XKR4: variants seen among roughly 807,000 people sequenced by gnomAD.
The protein encoded by XKR4 is XK related 4.
XKR4 carries 12 observed loss-of-function variants against 53.9 expected under a neutral mutation model. That is an observed-to-expected ratio of 0.22 (90% CI 0.14 to 0.36). The LOEUF (loss-of-function observed/expected upper bound fraction) is 0.36, where lower values mean the gene tolerates loss of function less well. XKR4 is among the 10% of genes least tolerant of loss of function. The pLI, the probability that XKR4 is intolerant of heterozygous loss-of-function variation, is 1.00. For synonymous variants in XKR4, 354 were observed against 362.4 expected (o/e 0.98, Z 0.26); for missense variants, 799 against 859.5 (o/e 0.93, Z 0.88).
At chr8:55,443,125 A>G (rs1805294098) in intron 2 of XKR4, among the ~76,000 whole-genome samples, 7 of 152,196 alleles carry the variant, frequency 4.6e-5, no homozygotes, top group Admixed American at 3.9e-4. Context: ...CAACTAATTT[A>G]TCATGCTAGT....
At chr8:55,325,224 C>A (rs1473638783) in intron 1 of XKR4, among the ~76,000 whole-genome samples, 1 of 152,136 alleles carries the variant, frequency 6.6e-6, no homozygotes, top group African/African-American at 2.4e-5. Context: ...GTTAGTGTTG[C>A]TGTGCTATAA....
At chr8:55,451,637 G>T in intron 2 of XKR4, 1 of 1,549,546 alleles carries the variant, frequency 6.5e-7, no homozygotes, top group Non-Finnish European at 8.8e-7. Flanking sequence ...TAGGACACGC[G>T]CTGCAGGGCG....
intron 1 of XKR4, among the ~76,000 whole-genome samples, chr8:55,254,178 A>T (rs894691886): frequency 6.6e-6 from 1 of 152,096 alleles, no homozygotes; most frequent in Admixed American, 6.5e-5. Flanking sequence ...TGTCAAAAAG[A>T]AAGAGAGAGA....
intron 1 of XKR4, among the ~76,000 whole-genome samples, chr8:55,263,122 C>A (rs1200610372): frequency 2.0e-5 from 3 of 152,126 alleles, no homozygotes; most frequent in Non-Finnish European, 4.4e-5. Flanking sequence ...TCAGTCTTGC[C>A]CCTTTAGTCC....
chr8:55,451,933 G>A (rs947032947), intron 2 of XKR4: 56 of 783,212 alleles, frequency 7.2e-5, no homozygotes, highest in Admixed American at 4.1e-4. Flanking sequence ...CTCAGAGGGC[G>A]GCTGGCTCCA....
chr8:55,246,597 C>G (rs141645315), intron 1 of XKR4, among the ~76,000 whole-genome samples: 6 of 152,180 alleles, frequency 3.9e-5, no homozygotes, highest in African/African-American at 1.4e-4. Flanking sequence ...ATAGCATGCA[C>G]GTTTTCCTTT....
At position 55,245,973 on chromosome 8, in the gene XKR4, A is replaced by T. The variant is rs142318180; in HGVS notation, c.807-111705A>T. Among the ~76,000 whole-genome samples, 960 of 152,288 alleles carry T rather than the reference A, an allele frequency of 6.3e-3. 13 individuals carry two copies. Among genetic ancestry groups the T allele is most frequent in the African/African-American group, 0.022 (924 of 41,564 alleles). ...TAAAATTAGCTGGGCGTGGTGGCGC[A>T]TGCCTGTAATCCCAGCTATTCAGGA... On this transcript the variant is annotated intron_variant, in intron 1 of 2. Coordinates refer to ENST00000327381, the MANE Select transcript of XKR4 (RefSeq NM_052898.2).
At chr8:55,398,325 A>T (rs1804553145) in intron 2 of XKR4, among the ~76,000 whole-genome samples, 1 of 152,014 alleles carries the variant, frequency 6.6e-6, no homozygotes, top group Non-Finnish European at 1.5e-5. Context: ...CCCCATCCCT[A>T]CCCACCCAAA....
Position 55,534,170 on chromosome 8 carries a change from T to C in XKR4, c.*9943T>C, listed in dbSNP as rs949339741. On this transcript the variant is annotated 3_prime_UTR_variant, in exon 3 of 3. Coordinates refer to ENST00000327381, the MANE Select transcript of XKR4 (RefSeq NM_052898.2). ...CATTGTAATAACCAATTTATAAAAA[T>C]TGAGTTTTTATTCAGTTTCAGAGGT... 3.9e-5 allele frequency: 6 copies of C among 151,988 alleles called. No individual in the cohort carries two copies. The highest frequency in any genetic ancestry group is 9.7e-5 in the African/African-American group (4 of 41,364). The allele number at this position is 151,988 out of a possible 1,614,324, so 9.4% of individuals were successfully genotyped here. A position where few individuals can be genotyped will look rare whatever the true frequency, so the allele number is the denominator to read the frequency against.
intron 1 of XKR4, among the ~76,000 whole-genome samples, chr8:55,350,694 T>C (rs1382046585): frequency 6.6e-6 from 1 of 151,674 alleles, no homozygotes; most frequent in Non-Finnish European, 1.5e-5. Flanking sequence ...AATGGAGAAT[T>C]GTTTAGTGGA....
intron 1 of XKR4, among the ~76,000 whole-genome samples, chr8:55,233,473 C>T (rs182444870): frequency 1.4e-4 from 21 of 152,294 alleles, no homozygotes; most frequent in Non-Finnish European, 2.4e-4. Flanking sequence ...GGTCCCATCA[C>T]CTGGAAGGGC....
chr8:55,174,645 T>C (rs1405011623), intron 1 of XKR4, among the ~76,000 whole-genome samples: 2 of 152,196 alleles, frequency 1.3e-5, no homozygotes, highest in Admixed American at 6.5e-5. Context: ...TGTTGGATGG[T>C]ACGTAGGTAA....
At chr8:55,342,604 T>C (rs776441172) in intron 1 of XKR4, among the ~76,000 whole-genome samples, 1 of 152,152 alleles carries the variant, frequency 6.6e-6, no homozygotes, top group African/African-American at 2.4e-5. Context: ...CTGATGCTCC[T>C]GGAATGGACC....
At chr8:55,452,807 G>C in intron 2 of XKR4, 1 of 775,836 alleles carries the variant, frequency 1.3e-6, no homozygotes, top group Non-Finnish European at 2.3e-6. Flanking sequence ...TGGGGACCAG[G>C]CTGTTGCTGG....
intron 1 of XKR4, among the ~76,000 whole-genome samples, chr8:55,165,115 G>T (rs931892245): frequency 1.3e-5 from 2 of 152,188 alleles, no homozygotes; most frequent in African/African-American, 4.8e-5. Context: ...CAGTATGCTT[G>T]TTCCTCCCAA....
intron 1 of XKR4, among the ~76,000 whole-genome samples, chr8:55,269,390 G>C (rs1222360120): frequency 1.3e-5 from 2 of 151,926 alleles, no homozygotes; most frequent in African/African-American, 4.8e-5. Flanking sequence ...ATTGGTGTAG[G>C]ATCACTAAAT....
intron 2 of XKR4, among the ~76,000 whole-genome samples, chr8:55,447,055 G>GGA (rs1360776993): frequency 1.5e-5 from 2 of 132,352 alleles, no homozygotes; most frequent in South Asian, 2.4e-4. Context: ...ACCTGATTGG[G>GGA]AAAAAAAAAA....
rs1201876007 is a variant in XKR4 at position 55,531,351 on chromosome 8, G to A, written c.*7124G>A. ...TACTTGTGTATTTAAATATAGAAAAGTTAACAGTAAAAAATATAGTATTAT... is the reference window on the plus strand; with the variant it reads ...TACTTGTGTATTTAAATATAGAAAAATTAACAGTAAAAAATATAGTATTAT... On this transcript the variant is annotated 3_prime_UTR_variant, in exon 3 of 3. Coordinates refer to ENST00000327381, the MANE Select transcript of XKR4 (RefSeq NM_052898.2). 6.6e-6 allele frequency: 1 copy of A among 152,114 alleles called. No individual in the cohort carries two copies. Among genetic ancestry groups the A allele is most frequent in the Non-Finnish European group, 1.5e-5 (1 of 68,022 alleles). 9.4% of individuals were successfully genotyped at this position (152,114 alleles called of 1,614,324 possible).
At chr8:55,356,732 T>C (rs932890494) in intron 1 of XKR4, among the ~76,000 whole-genome samples, 2 of 152,256 alleles carry the variant, frequency 1.3e-5, no homozygotes, top group East Asian at 1.9e-4. Context: ...ATAAAAAAGA[T>C]TGGCAATATG....
Sources: allele counts gnomAD v4.1 joint callset (sites outside exome capture counted in the v4.1 genomes callset), GRCh38; gene constraint gnomAD v4.1.1; transcripts MANE v1.5; gene names NCBI Gene and HGNC (gene_info 2026-07-23, HGNC 2026-07-21).